The following HMGXB3 variants were observed in gnomAD, a reference collection of about 807,000 sequenced individuals.
HMGXB3 encodes the protein HMG-box containing 3.
A neutral mutation model predicts 121.5 loss-of-function variants in HMGXB3; 45 were observed. That is an observed-to-expected ratio of 0.37 (90% CI 0.29 to 0.47). The LOEUF (loss-of-function observed/expected upper bound fraction) is 0.47. Among genes scored for constraint, HMGXB3 ranks in the 20% least tolerant of loss-of-function variants. The pLI is 0.99. For missense variants in HMGXB3, 1,376 were observed against 1,602.2 expected, an observed-to-expected ratio of 0.86 and a Z score of 2.41; for synonymous variants, 590 against 624.1, an observed-to-expected ratio of 0.95 and a Z score of 0.81.
rs1158117591 is a variant in HMGXB3, at chr5:150,051,909, C to T, written c.3596C>T (p.Pro1199Leu). 1 of 1,552,070 alleles carries T rather than the reference C, an allele frequency of 6.4e-7. No individual in the cohort carries two copies. ...HSLALCPELA[P>L]YATILASIVD... ...TTGGCCCTGTGCCCTGAATTGGCACCTTACGCAACCATCCTGGCCTCCATC... is the reference window on the plus strand; with the variant it reads ...TTGGCCCTGTGCCCTGAATTGGCACTTTACGCAACCATCCTGGCCTCCATC... The change falls in exon 20 of 20, where the codon CCT becomes CTT. Residue 1199 changes from proline (P) to leucine (L), a missense_variant. This residue lies in a region of HMGXB3 where 260 missense variants were observed against 233.2 expected (regional missense o/e 1.11). Transcript: ENST00000502717.
rs552509810 is a variant in HMGXB3, at chr5:150,047,497, C to A, written c.2951-127C>A. 62 of 1,115,562 alleles carry A rather than the reference C, an allele frequency of 5.6e-5. No homozygotes were observed. In the East Asian group the frequency reaches 1.6e-3, roughly 28 times the overall value. The allele number at this position is 1,115,562 out of a possible 1,614,324, so 69.1% of individuals were successfully genotyped here. A position where few individuals can be genotyped will look rare whatever the true frequency, so the allele number is the denominator to read the frequency against. On this transcript the variant is annotated intron_variant, in intron 16 of 19. Coordinates refer to ENST00000502717, the MANE Select transcript of HMGXB3 (RefSeq NM_014983.3). ...AAGCGTGGACCTGACTTGAGTTCCA[C>A]CTCTGCCAGCACTGGGGGAGGGCTT...
At chr5:150,037,636 T>A in intron 13 of HMGXB3, 109 bp downstream of exon 13, 2 of 959,918 alleles carry the variant, frequency 2.1e-6, no homozygotes, top group Non-Finnish European at 1.4e-6. Flanking sequence ...CAGATGGGGC[T>A]TCTGAGGAAG....
chr5:150,039,477 AT>A (rs552410449), intron 13 of HMGXB3, among the ~76,000 whole-genome samples: 3 of 152,032 alleles, frequency 2.0e-5, no homozygotes, highest in African/African-American at 7.2e-5. Context: ...AAATATTATA[AT>A]TTTTTTAAGT....
intron 13 of HMGXB3, 33 bp downstream of exon 13, chr5:150,037,560 C>A: frequency 6.8e-7 from 1 of 1,481,220 alleles, no homozygotes. Context: ...CTCAGAGCAT[C>A]CCAAAGCAGG....
chr5:150,038,327 T>G (rs1170576742), intron 13 of HMGXB3, among the ~76,000 whole-genome samples: 3 of 152,270 alleles, frequency 2.0e-5, no homozygotes, highest in Non-Finnish European at 4.4e-5. Context: ...TTCATGTTTT[T>G]AATGTCTTAT....
chr5:150,036,671 C>T lies in HMGXB3; in HGVS notation c.2019C>T (p.Ala673=), dbSNP rs1756506913. ...CACCACTCCCAGATGTACTGAATGC[C>T]ACAGAGCCCCTGAGCACAGCCCAGA... ...VSSPLPDVLN[A]TEPLSTAQRE... Residue 673 remains alanine, a synonymous_variant, in exon 12 of 20, where the codon GCC becomes GCT. Coordinates refer to ENST00000502717, the MANE Select transcript of HMGXB3 (RefSeq NM_014983.3). 6.5e-7 allele frequency: 1 copy of T among 1,550,266 alleles called. No homozygotes were observed. The highest frequency in any genetic ancestry group is 8.7e-7 in the Non-Finnish European group (1 of 1,146,758).
Position 150,020,094 on chromosome 5 carries a change from G to A in HMGXB3, c.1041+1397G>A, listed in dbSNP as rs116411918. Reference sequence around the variant, plus strand: ...AGTTAGTACCTACTTCATTAGGGATGTTAGCAGGGTCAAATAAGATTATCC... The same window carrying A: ...AGTTAGTACCTACTTCATTAGGGATATTAGCAGGGTCAAATAAGATTATCC... On this transcript the variant is annotated intron_variant, in intron 6 of 19. Coordinates refer to ENST00000502717, the MANE Select transcript of HMGXB3 (RefSeq NM_014983.3). Among the ~76,000 whole-genome samples the A allele has an allele frequency of 2.7e-3, 418 of 152,326 alleles. 1 individual carries two copies. The highest frequency in any genetic ancestry group is 9.2e-3 in the African/African-American group (382 of 41,550).
intron 1 of HMGXB3, 44 bp from the exon 2 acceptor site, chr5:150,004,807 A>T (rs758299170): frequency 7.2e-7 from 1 of 1,389,708 alleles, no homozygotes; most frequent in African/African-American, 1.4e-5. Flanking sequence ...TGCCCCTCTT[A>T]GGGGAGATTC....
chr5:150,001,856 A>T (rs116251868), intron 1 of HMGXB3, among the ~76,000 whole-genome samples: 4,591 of 152,244 alleles, frequency 0.03, 222 homozygotes, highest in African/African-American at 0.1. Context: ...CCTATATGCC[A>T]TTCATTACAG....
chr5:150,032,174 C>G (rs1756396467), intron 10 of HMGXB3, among the ~76,000 whole-genome samples: 1 of 152,210 alleles, frequency 6.6e-6, no homozygotes, highest in East Asian at 1.9e-4. Flanking sequence ...CCACCAACTG[C>G]CTGGACCCTG....
rs1309595561 is a variant in HMGXB3 at position 150,030,836 on chromosome 5, A to G, written c.1830A>G (p.Thr610=). The change falls in exon 10 of 20, where the codon ACA becomes ACG. Residue 610 remains threonine, a synonymous_variant. Coordinates refer to ENST00000502717, the MANE Select transcript of HMGXB3 (RefSeq NM_014983.3). ...FPPYKYSCTV[T]LDLGLATSRG... ...CATATAAGTACAGCTGCACTGTCACATTGGTAAGTATGCAGCTAGGTGGTG... is the reference window on the plus strand; with the variant it reads ...CATATAAGTACAGCTGCACTGTCACGTTGGTAAGTATGCAGCTAGGTGGTG... 1.9e-6 allele frequency: 3 copies of G among 1,549,546 alleles called. No homozygotes were observed. Among genetic ancestry groups the G allele is most frequent in the Admixed American group, 2.0e-5 (1 of 51,006 alleles).
chr5:150,052,045 C>G lies in HMGXB3; in HGVS notation c.3732C>G (p.Val1244=). 1 of 1,552,014 alleles carries G rather than the reference C, an allele frequency of 6.4e-7. No homozygotes were observed. The highest frequency in any genetic ancestry group is 8.7e-7 in the Non-Finnish European group (1 of 1,147,062). ...LMDFLTSREI[V]NRQIHDIVQS... is the part of the protein sequence containing the mutation. ...ACTTCCTCACCAGCCGCGAAATTGT[C>G]AATCGTCAGATCCATGACATTGTAC... Residue 1244 remains valine (V), a synonymous_variant, in exon 20 of 20, where the codon GTC becomes GTG. Transcript: ENST00000502717.
chr5:150,052,348 T>C lies in HMGXB3; in HGVS notation c.*156T>C. The C allele has an allele frequency of 6.2e-6, 4 of 647,092 alleles. No homozygotes were observed. In the South Asian group the frequency reaches 7.9e-5, roughly 13 times the overall value. 40.1% of individuals were successfully genotyped at this position (647,092 alleles called of 1,614,324 possible). On this transcript the variant is annotated 3_prime_UTR_variant, in exon 20 of 20. Transcript: ENST00000502717. ...AAGAGCTTCCATTCCCTGAGCATGG[T>C]GGGACCCAGGGTCCTCAGTTCTCAA... is the stretch of plus-strand genomic sequence containing the variant.
intron 11 of HMGXB3, among the ~76,000 whole-genome samples, chr5:150,034,215 G>C (rs1458683261): frequency 6.6e-6 from 1 of 152,160 alleles, no homozygotes; most frequent in South Asian, 2.1e-4. Context: ...TTTTCAGTGG[G>C]TTTCAAAGTG....
intron 16 of HMGXB3, among the ~76,000 whole-genome samples, chr5:150,045,930 TAC>T (rs1756745786): frequency 6.6e-6 from 1 of 152,202 alleles, no homozygotes; most frequent in African/African-American, 2.4e-5. Flanking sequence ...CCTTCTGGGA[TAC>T]ACACACTGAG....
chr5:150,049,407 G>C (rs1020408858), intron 18 of HMGXB3, among the ~76,000 whole-genome samples: 1 of 103,188 alleles, frequency 9.7e-6, no homozygotes, highest in Admixed American at 8.6e-5. Flanking sequence ...TCTTGGAACG[G>C]AAACCCCCCC....
At chr5:150,006,434 C>A in intron 2 of HMGXB3, 39 bp from the exon 3 acceptor site, 1 of 1,525,098 alleles carries the variant, frequency 6.6e-7, no homozygotes, top group South Asian at 1.2e-5. Context: ...CCAGCATTGC[C>A]ATTACTGGGA....
chr5:150,030,730 C>A lies in HMGXB3; in HGVS notation c.1735-11C>A. 1 of 1,547,642 alleles carries A rather than the reference C, an allele frequency of 6.5e-7. No homozygotes were observed. Among genetic ancestry groups the A allele is most frequent in the South Asian group, 1.2e-5 (1 of 83,970 alleles). On this transcript the variant is annotated splice_polypyrimidine_tract_variant and intron_variant, in intron 9 of 19. Transcript: ENST00000502717. ...GTTCAAAAGCACTAAATAATTTGTT[C>A]TGATCCACAGCTACCAAGTGGCCCA... is the stretch of plus-strand genomic sequence containing the variant.
intron 11 of HMGXB3, among the ~76,000 whole-genome samples, chr5:150,032,993 G>A (rs1756417154): frequency 6.6e-6 from 1 of 152,176 alleles, no homozygotes; most frequent in African/African-American, 2.4e-5. Flanking sequence ...AGACTTTGCA[G>A]ATTAGACCAC....
Sources: allele counts gnomAD v4.1 joint callset (sites outside exome capture counted in the v4.1 genomes callset), GRCh38; gene constraint gnomAD v4.1.1; regional missense constraint gnomAD v4.1.1; transcripts MANE v1.5; gene names NCBI Gene and HGNC (gene_info 2026-07-23, HGNC 2026-07-21).